EPB41L3: variants seen among roughly 807,000 people sequenced by gnomAD.
EPB41L3 encodes the protein erythrocyte membrane protein band 4.1 like 3.
A neutral mutation model predicts 127.1 loss-of-function variants in EPB41L3; 57 were observed. The observed-to-expected ratio is 0.45, with a 90% CI of 0.36 to 0.56. The LOEUF (loss-of-function observed/expected upper bound fraction) is 0.56, where lower values mean the gene tolerates loss of function less well. Ranked by LOEUF, EPB41L3 falls within the 20% of genes least tolerant of loss-of-function variation. The probability of loss-of-function intolerance (pLI) is 0.00; values close to 1 mark genes in which losing one functional copy is unlikely to be tolerated. For missense variants in EPB41L3, 1,273 were observed against 1,372.2 expected (o/e 0.93, Z 1.14); for synonymous variants, 572 against 549.5 (o/e 1.04, Z -0.57).
chr18:5,510,609 A>G (rs1226141778), intron 1 of EPB41L3, among the ~76,000 whole-genome samples: 1 of 152,214 alleles, frequency 6.6e-6, no homozygotes, highest in East Asian at 1.9e-4. Context: ...CTGGACTATC[A>G]GTTCCATTCC....
chr18:5,589,888 A>G (rs2143502484), intron 3 of EPB41L3, among the ~76,000 whole-genome samples: 1 of 152,340 alleles, frequency 6.6e-6, no homozygotes, highest in East Asian at 1.9e-4. Context: ...GATTATTTCA[A>G]CTTCTTCTTG....
intron 1 of EPB41L3, among the ~76,000 whole-genome samples, chr18:5,624,401 T>C (rs755912359): frequency 4.6e-5 from 7 of 152,234 alleles, no homozygotes; most frequent in African/African-American, 7.2e-5. Context: ...CCACATTCTA[T>C]TCTACTTTTG....
intron 1 of EPB41L3, chr18:5,508,085 G>A (rs1326989212): frequency 6.6e-6 from 1 of 152,186 alleles, no homozygotes; most frequent in South Asian, 2.1e-4. Context: ...GGGGGACAGT[G>A]ATGCCCTTGG....
chr18:5,521,377 T>G (rs539431719), intron 1 of EPB41L3: 12 of 152,178 alleles, frequency 7.9e-5, no homozygotes, highest in Non-Finnish European at 1.3e-4. Flanking sequence ...TAGGCTAACA[T>G]TCAGCTCATC....
At chr18:5,488,946 GA>G in intron 2 of EPB41L3, 54 bp downstream of exon 2, 1 of 1,514,666 alleles carries the variant, frequency 6.6e-7, no homozygotes, top group Non-Finnish European at 8.7e-7. Context: ...GGTTAAAGCC[GA>G]TCCTGGAGCA....
chr18:5,432,699 G>A (rs2079163306), intron 8 of EPB41L3, among the ~76,000 whole-genome samples: 1 of 152,144 alleles, frequency 6.6e-6, no homozygotes, highest in Admixed American at 6.5e-5. Context: ...AGTCAAAGCT[G>A]CTCTGTGTAT....
At chr18:5,506,923 A>G (rs1483087203) in intron 1 of EPB41L3, among the ~76,000 whole-genome samples, 2 of 152,226 alleles carry the variant, frequency 1.3e-5, no homozygotes, top group Non-Finnish European at 2.9e-5. Context: ...TATGATAAAC[A>G]AACTTACTGA....
At position 5,549,770 on chromosome 18, in the gene EPB41L3, A is replaced by G. The variant is rs146330882; in HGVS notation, c.-305-60609T>C. Among the ~76,000 whole-genome samples the G allele has an allele frequency of 1.8e-4, 27 of 152,282 alleles. No homozygotes were observed. The East Asian group carries it at 4.8e-3, about 27-fold the overall frequency. On this transcript the variant is annotated intron_variant, in intron 3 of 21. Transcript: ENST00000545076. ...ACCAAATCTTGAGAACCATTGATCTAGGCGACCAGTCCATACCAAAAATCC... is the reference window on the plus strand; with the variant it reads ...ACCAAATCTTGAGAACCATTGATCTGGGCGACCAGTCCATACCAAAAATCC...
At chr18:5,434,880 T>A (rs1161684418) in intron 6 of EPB41L3, among the ~76,000 whole-genome samples, 2 of 152,182 alleles carry the variant, frequency 1.3e-5, no homozygotes, top group Non-Finnish European at 2.9e-5. Context: ...GCTTCAGAGG[T>A]ATCAGAAGAA....
chr18:5,416,056 T>G lies in EPB41L3; in HGVS notation c.1829A>C (p.Asn610Thr), dbSNP rs529981219. Residue 610 changes from asparagine to threonine, a missense_variant, in exon 13 of 23, where the codon AAC (asparagine) becomes ACC (threonine). By Grantham distance (65) the Asn-to-Thr change is moderately conservative. Around this residue, in one of 3 missense-constraint regions of EPB41L3, gnomAD observed 765 missense variants for 782.9 expected, o/e 0.98. Transcript: ENST00000341928. ...GGGCAGGAGGTTGGTTTCAGAAAGG[T>G]TGGGGAAAGAGAGGTATCCATCATC... Reference protein sequence around the residue: ...LDDDGYLSFPNLSETNLLPQS... With the variant: ...LDDDGYLSFPTLSETNLLPQS... The G allele has an allele frequency of 2.5e-6, 4 of 1,613,106 alleles. No homozygotes were observed. Among genetic ancestry groups the G allele is most frequent in the Non-Finnish European group, 1.7e-6 (2 of 1,179,660 alleles).
chr18:5,606,764 A>G (rs1263029325), intron 3 of EPB41L3, among the ~76,000 whole-genome samples: 3 of 152,194 alleles, frequency 2.0e-5, no homozygotes, highest in African/African-American at 4.8e-5. Context: ...CACAAGTACT[A>G]CAGAAGCTCT....
chr18:5,536,762 C>A (rs970659097), intron 1 of EPB41L3, among the ~76,000 whole-genome samples: 1 of 152,040 alleles, frequency 6.6e-6, no homozygotes, highest in African/African-American at 2.4e-5. Context: ...ACCCGGGAGG[C>A]AGAGGTTGCT....
At chr18:5,607,138 T>C (rs568243238) in intron 3 of EPB41L3, among the ~76,000 whole-genome samples, 2 of 152,158 alleles carry the variant, frequency 1.3e-5, no homozygotes, top group Non-Finnish European at 2.9e-5. Context: ...AATACTACCG[T>C]GGAGAGGAAC....
At chr18:5,559,651 TG>T (rs2094095060) in intron 3 of EPB41L3, among the ~76,000 whole-genome samples, 1 of 152,226 alleles carries the variant, frequency 6.6e-6, no homozygotes, top group Non-Finnish European at 1.5e-5. Context: ...AACTTATGGA[TG>T]TTTTTTATAA....
intron 3 of EPB41L3, among the ~76,000 whole-genome samples, chr18:5,553,620 C>G (rs975269722): frequency 6.6e-6 from 1 of 152,184 alleles, no homozygotes; most frequent in Non-Finnish European, 1.5e-5. Context: ...AGGGCAAAGG[C>G]GAATGCTCTC....
intron 3 of EPB41L3, among the ~76,000 whole-genome samples, chr18:5,477,710 T>G (rs68175238): frequency 0.38 from 57,382 of 151,918 alleles, 11,011 homozygotes; most frequent in South Asian, 0.42. Flanking sequence ...CTGTTTTCTT[T>G]ACAAAGAAAA....
At chr18:5,475,064 T>C (rs1374501793) in intron 3 of EPB41L3, among the ~76,000 whole-genome samples, 5 of 152,248 alleles carry the variant, frequency 3.3e-5, no homozygotes, top group African/African-American at 1.2e-4. Context: ...TGAGAATAGC[T>C]TTCCTATCCT....
At chr18:5,528,069 G>A (rs1461234003) in intron 1 of EPB41L3, among the ~76,000 whole-genome samples, 3 of 152,172 alleles carry the variant, frequency 2.0e-5, no homozygotes, top group Admixed American at 6.5e-5. Flanking sequence ...AGAAAGACAC[G>A]TATGGTTATG....
intron 3 of EPB41L3, among the ~76,000 whole-genome samples, chr18:5,559,969 T>C (rs1026360797): frequency 1.3e-5 from 2 of 152,238 alleles, no homozygotes; most frequent in African/African-American, 4.8e-5. Flanking sequence ...TATTTAGCCT[T>C]CCTTTATATG....
Sources: gnomAD v4.1 joint callset for allele counts (sites outside exome capture counted in the v4.1 genomes callset) on GRCh38, gnomAD v4.1.1 for gene constraint, gnomAD v4.1.1 regional missense constraint, MANE v1.5 for transcripts, NCBI Gene and HGNC (gene_info 2026-07-23, HGNC 2026-07-21) for gene names.